RAB39A: variants seen among roughly 807,000 people sequenced by gnomAD.
RAB39A encodes the protein ras-related protein Rab-39A.
RAB39A carries 17 observed loss-of-function variants against 20.9 expected under a neutral mutation model. That is an observed-to-expected ratio of 0.81 (90% CI 0.56 to 1.22). The LOEUF (loss-of-function observed/expected upper bound fraction) is 1.22, where lower values mean the gene tolerates loss of function less well. Among genes scored for constraint, RAB39A ranks in the 50% most tolerant of loss-of-function variants. The pLI is 0.00. For missense variants in RAB39A, 234 were observed against 270.5 expected (o/e 0.87, Z 0.95); for synonymous variants, 99 against 103.4 (o/e 0.96, Z 0.26).
At chr11:107,938,979 C>T (rs139089918) in intron 1 of RAB39A, among the ~76,000 whole-genome samples, 104 of 152,202 alleles carry the variant, frequency 6.8e-4, no homozygotes, top group African/African-American at 2.4e-3. Flanking sequence ...AAACTATTCA[C>T]GCCTGTAATC....
intron 1 of RAB39A, among the ~76,000 whole-genome samples, chr11:107,931,225 C>T (rs1861134258): frequency 6.6e-6 from 1 of 152,184 alleles, no homozygotes; most frequent in South Asian, 2.1e-4. Context: ...GATCCACCTG[C>T]CTCAGCCTCC....
intron 1 of RAB39A, among the ~76,000 whole-genome samples, chr11:107,945,810 A>G (rs1361675847): frequency 6.6e-6 from 1 of 152,166 alleles, no homozygotes; most frequent in Non-Finnish European, 1.5e-5. Flanking sequence ...AAAAGAATCA[A>G]AAATAGGGTC....
At chr11:107,950,160 G>T (rs530643893) in intron 1 of RAB39A, among the ~76,000 whole-genome samples, 1 of 150,618 alleles carries the variant, frequency 6.6e-6, no homozygotes, top group East Asian at 2.0e-4. Flanking sequence ...ACCCTGGGTG[G>T]CAGAGTGAGA....
intron 1 of RAB39A, among the ~76,000 whole-genome samples, chr11:107,945,067 C>T (rs1031148462): frequency 2.0e-5 from 3 of 151,910 alleles, no homozygotes; most frequent in African/African-American, 4.8e-5. Flanking sequence ...CCTATAATCC[C>T]AGCTGTTTGG....
intron 1 of RAB39A, among the ~76,000 whole-genome samples, chr11:107,929,432 A>G (rs1462319701): frequency 1.3e-5 from 2 of 152,000 alleles, no homozygotes; most frequent in Admixed American, 1.3e-4. Flanking sequence ...ACCCGTGGGA[A>G]TGGGTCTTGT....
chr11:107,942,732 T>G (rs1175417105), intron 1 of RAB39A, among the ~76,000 whole-genome samples: 1 of 152,214 alleles, frequency 6.6e-6, no homozygotes, highest in East Asian at 1.9e-4. Context: ...TTCAGTGCTC[T>G]TCCTGCTATG....
intron 1 of RAB39A, among the ~76,000 whole-genome samples, chr11:107,937,997 T>A (rs146860171): frequency 1.4e-4 from 22 of 152,130 alleles, no homozygotes; most frequent in African/African-American, 4.3e-4. Context: ...GAAAGAGAAA[T>A]TCACAGAGAA....
intron 1 of RAB39A, among the ~76,000 whole-genome samples, chr11:107,942,464 A>T (rs1302885566): frequency 6.6e-6 from 1 of 151,968 alleles, no homozygotes; most frequent in Non-Finnish European, 1.5e-5. Context: ...GTGTGATCAT[A>T]GCTCACTGCA....
intron 1 of RAB39A, among the ~76,000 whole-genome samples, chr11:107,957,890 C>CT (rs201707604): frequency 0.043 from 6,501 of 149,630 alleles, 214 homozygotes; most frequent in African/African-American, 0.096. Flanking sequence ...TTCAGGGAGA[C>CT]TTTTTTTTTT....
rs1185090289 is a variant in RAB39A at position 107,962,159 on chromosome 11, A to G, written c.441A>G (p.Ala147=). 3 of 1,614,066 alleles carry G rather than the reference A, an allele frequency of 1.9e-6. No homozygotes were observed. In the Admixed American group the frequency reaches 5.0e-5, roughly 27 times the overall value. The change falls in exon 2 of 2, where the codon GCA becomes GCG. Residue 147 remains alanine (A), a synonymous_variant. Coordinates refer to ENST00000320578, the MANE Select transcript of RAB39A (RefSeq NM_017516.3). The part of the protein sequence containing the change: ...VTREEAEKLS[A]DCGMKYIETS... ...GGGAAGAAGCTGAAAAACTGTCAGC[A>G]GACTGTGGAATGAAGTATATAGAAA...
chr11:107,936,933 C>CA (rs376440567), intron 1 of RAB39A, among the ~76,000 whole-genome samples: 48,916 of 122,884 alleles, frequency 0.4, 9,188 homozygotes, highest in East Asian at 0.6. Context: ...GACTCCCCCT[C>CA]CAAAAAAAAA....
chr11:107,946,827 C>T (rs1470203880), intron 1 of RAB39A, among the ~76,000 whole-genome samples: 3 of 151,604 alleles, frequency 2.0e-5, no homozygotes, highest in Non-Finnish European at 4.4e-5. Flanking sequence ...GTGGCTCACA[C>T]CTTTAATCCT....
At chr11:107,948,882 T>C (rs1288043428) in intron 1 of RAB39A, among the ~76,000 whole-genome samples, 1 of 152,202 alleles carries the variant, frequency 6.6e-6, no homozygotes, top group East Asian at 1.9e-4. Flanking sequence ...GTAGATACTT[T>C]TCGTTGTTGA....
Position 107,963,074 on chromosome 11 carries a change from T to C in RAB39A, c.*702T>C, listed in dbSNP as rs1212546658. The C allele has an allele frequency of 6.6e-6, 1 of 151,594 alleles. No homozygotes were observed. Among genetic ancestry groups the C allele is most frequent in the African/African-American group, 2.4e-5 (1 of 41,334 alleles). 9.4% of individuals were successfully genotyped at this position (151,594 alleles called of 1,614,324 possible). A position where few individuals can be genotyped will look rare whatever the true frequency, so the allele number is the denominator to read the frequency against. ...TCACCAAATGTTTGAAATGTTGCTT[T>C]TTTTTTTTGAGACAGGGTCTTGTTT... On this transcript the variant is annotated 3_prime_UTR_variant, in exon 2 of 2. Transcript: ENST00000320578.
chr11:107,952,127 A>T (rs539920323), intron 1 of RAB39A, among the ~76,000 whole-genome samples: 102 of 152,358 alleles, frequency 6.7e-4, no homozygotes, highest in Non-Finnish European at 1.1e-3. Flanking sequence ...CAAGGCAACC[A>T]TTTTGTCTCA....
At chr11:107,947,829 A>T (rs1353046521) in intron 1 of RAB39A, among the ~76,000 whole-genome samples, 2 of 150,942 alleles carry the variant, frequency 1.3e-5, no homozygotes, top group East Asian at 3.9e-4. Context: ...AAAAAAAAAA[A>T]AGAATAAAAA....
chr11:107,940,256 ATTT>A (rs891822841), intron 1 of RAB39A, among the ~76,000 whole-genome samples: 3 of 151,406 alleles, frequency 2.0e-5, no homozygotes, highest in Admixed American at 6.6e-5. Flanking sequence ...CAATATTTTT[ATTT>A]TTATTATTAT....
At chr11:107,929,572 A>G (rs576964573) in intron 1 of RAB39A, among the ~76,000 whole-genome samples, 18 of 152,176 alleles carry the variant, frequency 1.2e-4, no homozygotes, top group African/African-American at 2.7e-4. Flanking sequence ...ATATATTGAG[A>G]TTCGCCAGGA....
At chr11:107,944,392 G>A (rs550208826) in intron 1 of RAB39A, among the ~76,000 whole-genome samples, 12 of 152,240 alleles carry the variant, frequency 7.9e-5, no homozygotes, top group African/African-American at 2.4e-4. Context: ...ACTCCTGGAG[G>A]TCTGTTAATA....
Sources: allele counts gnomAD v4.1 joint callset (sites outside exome capture counted in the v4.1 genomes callset), GRCh38; gene constraint gnomAD v4.1.1; transcripts MANE v1.5; gene names NCBI Gene and HGNC (gene_info 2026-07-23, HGNC 2026-07-21).